The following DZIP3 variants were observed in gnomAD, a reference collection of about 807,000 sequenced individuals.
DZIP3 encodes the protein DAZ interacting zinc finger protein 3.
Under a neutral mutation model 162.0 loss-of-function variants are expected in DZIP3, and 118 were observed. The ratio of observed to expected loss-of-function variants is 0.73; its 90% CI spans 0.63 to 0.85. The LOEUF (loss-of-function observed/expected upper bound fraction) is 0.85, where lower values mean the gene tolerates loss of function less well. Ranked by LOEUF, DZIP3 falls within the 40% of genes least tolerant of loss-of-function variation. DZIP3 has a pLI of 0.00. For missense variants in DZIP3, 1,331 were observed against 1,407.0 expected, an observed-to-expected ratio of 0.95 and a Z score of 0.86; for synonymous variants, 438 against 458.6, an observed-to-expected ratio of 0.96 and a Z score of 0.57.
chr3:108,640,913 T>G (rs1473388267), intron 12 of DZIP3, among the ~76,000 whole-genome samples: 1 of 152,080 alleles, frequency 6.6e-6, no homozygotes, highest in Non-Finnish European at 1.5e-5. Context: ...CTTTGTTGTT[T>G]TATATATACA....
chr3:108,651,626 A>G (rs1427285193), intron 18 of DZIP3, among the ~76,000 whole-genome samples: 2 of 151,716 alleles, frequency 1.3e-5, no homozygotes, highest in African/African-American at 4.8e-5. Flanking sequence ...TTTACCAAAA[A>G]GTTTGGCTTT....
chr3:108,599,685 G>GA (rs1304021528), intron 1 of DZIP3, among the ~76,000 whole-genome samples: 1 of 152,136 alleles, frequency 6.6e-6, no homozygotes, highest in Non-Finnish European at 1.5e-5. Flanking sequence ...ATAGTATTAG[G>GA]AGGTTGGGCC....
At chr3:108,688,277 A>G (rs1316471773) in intron 29 of DZIP3, among the ~76,000 whole-genome samples, 181 bp downstream of exon 29, 1 of 152,216 alleles carries the variant, frequency 6.6e-6, no homozygotes, top group African/African-American at 2.4e-5. Flanking sequence ...TTTTTGAAAT[A>G]CCTGTTACCT....
At chr3:108,622,494 G>A (rs541598420) in intron 5 of DZIP3, among the ~76,000 whole-genome samples, 2 of 152,254 alleles carry the variant, frequency 1.3e-5, no homozygotes, top group Admixed American at 6.5e-5. Context: ...GTTTGGTAAA[G>A]TCATGTTTTC....
intron 5 of DZIP3, among the ~76,000 whole-genome samples, chr3:108,618,789 G>A (rs1183143948): frequency 6.6e-6 from 1 of 152,002 alleles, no homozygotes; most frequent in Non-Finnish European, 1.5e-5. Context: ...TGGGCCGGGC[G>A]CGGTGGCTCA....
At chr3:108,675,924 G>A (rs12486790) in intron 25 of DZIP3, 51 bp downstream of exon 25, 346,734 of 1,495,626 alleles carry the variant, frequency 0.23, 43,671 homozygotes, top group East Asian at 0.45. Flanking sequence ...TATAGGTGGT[G>A]TAAAGTTAGA....
intron 26 of DZIP3, among the ~76,000 whole-genome samples, chr3:108,680,317 A>C (rs1024063763): frequency 6.6e-6 from 1 of 152,104 alleles, no homozygotes; most frequent in Non-Finnish European, 1.5e-5. Flanking sequence ...AGGGAAGGGA[A>C]TAAAAGACAT....
At chr3:108,615,576 T>G (rs1940959781) in intron 4 of DZIP3, among the ~76,000 whole-genome samples, 2 of 152,148 alleles carry the variant, frequency 1.3e-5, no homozygotes, top group Admixed American at 6.5e-5. Context: ...ATGTTATATA[T>G]GGAAACCAAG....
At chr3:108,652,952 AT>A (rs1203733036) in intron 18 of DZIP3, among the ~76,000 whole-genome samples, 1 of 151,942 alleles carries the variant, frequency 6.6e-6, no homozygotes, top group Non-Finnish European at 1.5e-5. Flanking sequence ...TTAATGACAC[AT>A]TTCTCAGAAA....
At chr3:108,636,559 A>G in intron 10 of DZIP3, 57 bp from the exon 11 acceptor site, 1 of 1,107,520 alleles carries the variant, frequency 9.0e-7, no homozygotes, top group East Asian at 2.8e-5. Context: ...AAATATAATC[A>G]GATTTGCACA....
chr3:108,656,542 GA>G lies in DZIP3; in HGVS notation c.2199+2238del, dbSNP rs926992098. On this transcript the variant is annotated intron_variant, in intron 19 of 32. Coordinates refer to ENST00000361582, the MANE Select transcript of DZIP3 (RefSeq NM_014648.4). ...AGGCAGATAAAACCACAAAGATGGG[GA>G]AAAAACAGAGCAGAAAAACTGAAAA... Among the ~76,000 whole-genome samples, 3 of 146,568 alleles carry G rather than the reference GA, an allele frequency of 2.0e-5. No individual in the cohort carries two copies. The East Asian group carries it at 5.8e-4, about 28-fold the overall frequency.
chr3:108,676,288 G>T (rs1944106906), intron 25 of DZIP3, among the ~76,000 whole-genome samples: 1 of 151,914 alleles, frequency 6.6e-6, no homozygotes, highest in South Asian at 2.1e-4. Flanking sequence ...ACTACAGCCT[G>T]GACAATAGAG....
chr3:108,647,908 A>T, intron 15 of DZIP3, 35 bp from the exon 16 acceptor site: 1 of 1,449,970 alleles, frequency 6.9e-7, no homozygotes, highest in South Asian at 1.6e-5. Context: ...AATTGCTTTC[A>T]TCTAGATTTT....
chr3:108,608,450 A>G (rs148507773), intron 3 of DZIP3, among the ~76,000 whole-genome samples: 94 of 152,286 alleles, frequency 6.2e-4, no homozygotes, highest in African/African-American at 2.2e-3. Context: ...GAAATCCCTC[A>G]TTTGTTTTTT....
chr3:108,593,329 G>A (rs1939529417), intron 1 of DZIP3, among the ~76,000 whole-genome samples: 1 of 152,148 alleles, frequency 6.6e-6, no homozygotes, highest in Admixed American at 6.5e-5. Flanking sequence ...AGATAGGAAG[G>A]GGAAGTAATT....
At chr3:108,664,166 G>A (rs1391422882) in intron 21 of DZIP3, among the ~76,000 whole-genome samples, 2 of 152,082 alleles carry the variant, frequency 1.3e-5, no homozygotes, top group African/African-American at 4.8e-5. Context: ...CATATATCTC[G>A]GGACACTGCA....
chr3:108,632,234 T>C (rs1377594310), intron 8 of DZIP3, among the ~76,000 whole-genome samples: 1 of 152,144 alleles, frequency 6.6e-6, no homozygotes, highest in African/African-American at 2.4e-5. Flanking sequence ...TTATTTGTTT[T>C]ATTCTATTTT....
intron 4 of DZIP3, among the ~76,000 whole-genome samples, chr3:108,613,461 G>C (rs1026616064): frequency 5.9e-5 from 9 of 152,076 alleles, no homozygotes; most frequent in Non-Finnish European, 1.2e-4. Context: ...GAAAATAGAA[G>C]ATAAGTTCCA....
chr3:108,624,910 T>A (rs1245055221), intron 6 of DZIP3, among the ~76,000 whole-genome samples: 1 of 152,156 alleles, frequency 6.6e-6, no homozygotes, highest in East Asian at 1.9e-4. Flanking sequence ...TGATTTTTAA[T>A]GATTTCTCAT....
Sources: gnomAD v4.1 joint callset for allele counts (sites outside exome capture counted in the v4.1 genomes callset) on GRCh38, gnomAD v4.1.1 for gene constraint, MANE v1.5 for transcripts, NCBI Gene and HGNC (gene_info 2026-07-23, HGNC 2026-07-21) for gene names.